The following SH3GLB2 variants were observed in gnomAD, a reference collection of about 807,000 sequenced individuals.
The protein encoded by SH3GLB2 is SH3 domain containing GRB2 like, endophilin B2.
In SH3GLB2, 24 loss-of-function variants were observed where a neutral mutation model predicts 48.0. The ratio of observed to expected loss-of-function variants is 0.50; its 90% CI spans 0.36 to 0.70. SH3GLB2 has a LOEUF of 0.70. SH3GLB2 is among the 30% of genes least tolerant of loss of function. The pLI, the probability that SH3GLB2 is intolerant of heterozygous loss-of-function variation, is 0.00. For missense variants in SH3GLB2, 425 were observed against 516.0 expected (o/e 0.82, Z 1.71); for synonymous variants, 227 against 207.6 (o/e 1.09, Z -0.80).
rs1303299790 is a variant in SH3GLB2, at chr9:129,021,335, G to C, written c.206-116C>G. On this transcript the variant is annotated intron_variant, in intron 2 of 10. Coordinates refer to ENST00000372564, the MANE Select transcript of SH3GLB2 (RefSeq NM_020145.4). ...GGTGCACCTGGCCTGCTGACTTCCA[G>C]AATACGCTCTTGCTCATGCCCAACC... The C allele has an allele frequency of 2.3e-6, 3 of 1,304,422 alleles. No individual in the cohort carries two copies. In the East Asian group the frequency reaches 7.7e-5, roughly 33 times the overall value. 80.8% of individuals were successfully genotyped at this position (1,304,422 alleles called of 1,614,324 possible). A position where few individuals can be genotyped will look rare whatever the true frequency, so the allele number is the denominator to read the frequency against.
At chr9:129,008,991 C>G (rs1206677889) in intron 10 of SH3GLB2, 115 bp downstream of exon 10, 3 of 1,523,118 alleles carry the variant, frequency 2.0e-6, no homozygotes, top group African/African-American at 1.4e-5. Context: ...CCTCTTTAAC[C>G]TGCTGGTCCC....
At chr9:129,021,312 TGCAC>T in intron 2 of SH3GLB2, 93 bp from the exon 3 acceptor site, 1 of 1,433,846 alleles carries the variant, frequency 7.0e-7, no homozygotes, top group Non-Finnish European at 9.2e-7. Context: ...TGCCCACAGG[TGCAC>T]CTGGCCTGCT....
intron 2 of SH3GLB2, among the ~76,000 whole-genome samples, chr9:129,021,845 G>A (rs1021958193): frequency 6.6e-6 from 1 of 151,702 alleles, no homozygotes; most frequent in Non-Finnish European, 1.5e-5. Context: ...TGTAGTCCCA[G>A]CTATTCAGGA....
chr9:129,025,914 T>C (rs1844135194), intron 1 of SH3GLB2, among the ~76,000 whole-genome samples: 1 of 152,166 alleles, frequency 6.6e-6, no homozygotes. Flanking sequence ...ACTTTATAAG[T>C]ATTACTTCTA....
intron 1 of SH3GLB2, among the ~76,000 whole-genome samples, chr9:129,024,237 C>T (rs937819433): frequency 7.6e-6 from 1 of 131,278 alleles, no homozygotes. Flanking sequence ...GCCTGGGCAA[C>T]CGTGAGACCT....
At chr9:129,026,216 T>A (rs1030110265) in intron 1 of SH3GLB2, among the ~76,000 whole-genome samples, 1 of 152,176 alleles carries the variant, frequency 6.6e-6, no homozygotes, top group Admixed American at 6.5e-5. Context: ...CCTTGCTGGA[T>A]CGGGGAGGCT....
At chr9:129,013,339 A>C in intron 5 of SH3GLB2, 1 of 415,874 alleles carries the variant, frequency 2.4e-6, no homozygotes, top group Non-Finnish European at 4.4e-6. Context: ...CACCACTGCA[A>C]TGACAGGAAA....
chr9:129,022,754 C>T (rs1843888689), intron 1 of SH3GLB2, among the ~76,000 whole-genome samples: 1 of 152,198 alleles, frequency 6.6e-6, no homozygotes, highest in Admixed American at 6.5e-5. Context: ...GAGGCCAGCC[C>T]TAGGGTCCTT....
chr9:129,015,763 GC>G (rs2131260807), intron 3 of SH3GLB2: 2 of 246,450 alleles, frequency 8.1e-6, no homozygotes, highest in Non-Finnish European at 1.7e-5. Flanking sequence ...ACTCTGGGAG[GC>G]CCAGGCGGAA....
rs1019771565 is a variant in SH3GLB2, at chr9:129,012,873, C to A, written c.562-575G>T. On this transcript the variant is annotated intron_variant, in intron 5 of 10. Coordinates refer to ENST00000372564, the MANE Select transcript of SH3GLB2 (RefSeq NM_020145.4). ...ATCCCCCCCTAAACCAGAGGCCCTG[C>A]ACAGTAGAGGCTCTGGCGGGGAGAC... 3 of 1,152,752 alleles carry A rather than the reference C, an allele frequency of 2.6e-6. No individual in the cohort carries two copies. In the African/African-American group the frequency reaches 4.6e-5, roughly 18 times the overall value. The allele number at this position is 1,152,752 out of a possible 1,614,324, so 71.4% of individuals were successfully genotyped here.
chr9:129,010,774 G>C (rs1045197986), intron 6 of SH3GLB2, 81 bp from the exon 7 acceptor site: 30 of 1,561,320 alleles, frequency 1.9e-5, no homozygotes, highest in Non-Finnish European at 2.4e-5. Context: ...CCCTGCCCCA[G>C]CTCCCAGACT....
At chr9:129,016,125 T>C (rs1452222071) in intron 3 of SH3GLB2, among the ~76,000 whole-genome samples, 3 of 151,618 alleles carry the variant, frequency 2.0e-5, no homozygotes, top group East Asian at 1.9e-4. Context: ...GGTGGGTCAC[T>C]TGAGGTCAGG....
At chr9:129,009,066 C>T (rs949925171) in intron 10 of SH3GLB2, 40 bp downstream of exon 10, 6 of 1,601,842 alleles carry the variant, frequency 3.7e-6, no homozygotes, top group South Asian at 1.1e-5. Flanking sequence ...CTGCTCCTCA[C>T]CCAGCCCATT....
rs1842828653 is a variant in SH3GLB2 at position 129,007,080 on chromosome 9, A to C, written c.*1604T>G. 1 of 160,236 alleles carries C rather than the reference A, an allele frequency of 6.2e-6. No individual in the cohort carries two copies. Among genetic ancestry groups the C allele is most frequent in the East Asian group, 1.8e-4 (1 of 5,490 alleles). The allele number at this position is 160,236 out of a possible 1,614,324, so 9.9% of individuals were successfully genotyped here. ...TGTGGTCTATTTATACAGATATTAAAATCTTGTTTATAGACAGCTGTGTGA... is the reference window on the plus strand; with the variant it reads ...TGTGGTCTATTTATACAGATATTAACATCTTGTTTATAGACAGCTGTGTGA... On this transcript the variant is annotated 3_prime_UTR_variant, in exon 11 of 11. Transcript: ENST00000372564.
chr9:129,012,348 C>A, intron 5 of SH3GLB2, 50 bp from the exon 6 acceptor site: 1 of 1,215,158 alleles, frequency 8.2e-7, no homozygotes, highest in East Asian at 3.1e-5. Flanking sequence ...TGGGCCAGGG[C>A]CAGGGTCGAG....
rs921695044 is a variant in SH3GLB2 at position 129,007,820 on chromosome 9, C to T, written c.*864G>A. 6.6e-6 allele frequency: 1 copy of T among 152,242 alleles called. No homozygotes were observed. Among genetic ancestry groups the T allele is most frequent in the Admixed American group, 6.5e-5 (1 of 15,282 alleles). 9.4% of individuals were successfully genotyped at this position (152,242 alleles called of 1,614,324 possible). A position where few individuals can be genotyped will look rare whatever the true frequency, so the allele number is the denominator to read the frequency against. On this transcript the variant is annotated 3_prime_UTR_variant, in exon 11 of 11. Transcript: ENST00000372564. Reference sequence around the variant, plus strand: ...AGGAAACTTTTTCTTAGGAATAAAACGTTCCTTGTGCGGCTTCATGTCCAG... The same window carrying T: ...AGGAAACTTTTTCTTAGGAATAAAATGTTCCTTGTGCGGCTTCATGTCCAG...
chr9:129,012,331 G>A (rs1023910184), intron 5 of SH3GLB2, 33 bp from the exon 6 acceptor site: 2 of 1,264,216 alleles, frequency 1.6e-6, no homozygotes, highest in Non-Finnish European at 2.0e-6. Context: ...TGGGGAGGGG[G>A]TCACCCTGGG....
chr9:129,027,095 GCCCCGGGCCTGCGGAATCCCACTGAAT>G (rs1383137118), intron 1 of SH3GLB2, among the ~76,000 whole-genome samples: 2 of 152,162 alleles, frequency 1.3e-5, no homozygotes, highest in African/African-American at 4.8e-5. Flanking sequence ...GGATGGGCCA[GCCCCGGGCCTGCGGAATCCCACTGAAT>G]CCCATAACCA....
chr9:129,014,743 G>T lies in SH3GLB2; in HGVS notation c.468+28C>A, dbSNP rs746464069. 6.2e-7 allele frequency: 1 copy of T among 1,602,934 alleles called. No homozygotes were observed. The highest frequency in any genetic ancestry group is 8.5e-7 in the Non-Finnish European group (1 of 1,175,254). ...GAGGAGGGAACTGCCATGGTTACCA[G>T]GAAGCGGAATAGTCCCAGGGCCCTC... is the stretch of plus-strand genomic sequence containing the variant. On this transcript the variant is annotated intron_variant, in intron 4 of 10. Coordinates refer to ENST00000372564, the MANE Select transcript of SH3GLB2 (RefSeq NM_020145.4). The surrounding 1 kb of genome is among the most constrained non-coding windows in gnomAD (Gnocchi z 4.1).
Sources: allele counts gnomAD v4.1 joint callset (sites outside exome capture counted in the v4.1 genomes callset), GRCh38; gene constraint gnomAD v4.1.1; non-coding constraint Gnocchi (gnomAD v3.1); transcripts MANE v1.5; gene names NCBI Gene and HGNC (gene_info 2026-07-23, HGNC 2026-07-21).